Variants in TENM1 observed in about 807,000 individuals in gnomAD.
TENM1 encodes the protein teneurin transmembrane protein 1, also known as teneurin-1.
Under a neutral mutation model 174.8 loss-of-function variants are expected in TENM1, and 35 were observed. The ratio of observed to expected loss-of-function variants is 0.20; its 90% CI spans 0.15 to 0.27. TENM1 has a LOEUF of 0.27. TENM1 is among the 10% of genes least tolerant of loss of function. The pLI is 1.00. For synonymous variants in TENM1, 781 were observed against 798.7 expected, an observed-to-expected ratio of 0.98 and a Z score of 0.37; for missense variants, 1,633 against 2,130.1, an observed-to-expected ratio of 0.77 and a Z score of 4.59.
At chrX:124,427,916 A>G (rs1012136886) in intron 23 of TENM1, among the ~76,000 whole-genome samples, 2 of 105,796 alleles carry the variant, frequency 1.9e-5, no homozygotes, top group Non-Finnish European at 3.9e-5. Flanking sequence ...ATTTGTCCAA[A>G]TGATTTCTTG....
chrX:125,157,036 G>A, the TENM1 span, among the ~76,000 whole-genome samples: 1 of 112,364 alleles, frequency 8.9e-6, no homozygotes, highest in Admixed American at 9.4e-5. Flanking sequence ...GCATAGTCAG[G>A]TTCAGTGATT....
chrX:124,441,733 G>A lies in TENM1; in HGVS notation c.4104+11604C>T, dbSNP rs752155523. ...ATTGTTGTGGTCCAGGCATGAGAAC[G>A]GTGAAAGAAAATGGGAAAATACACT... On this transcript the variant is annotated intron_variant, in intron 23 of 31. Coordinates refer to ENST00000422452, the Ensembl canonical transcript of TENM1. 4.5e-5 allele frequency among the ~76,000 whole-genome samples: 5 copies of A among 112,282 alleles called. No homozygotes were observed. In the East Asian group the frequency reaches 1.1e-3, roughly 25 times the overall value.
chrX:124,993,103 A>G, the TENM1 span, among the ~76,000 whole-genome samples: 4 of 111,268 alleles, frequency 3.6e-5, no homozygotes, highest in Admixed American at 1.9e-4. Context: ...AGAGTGTTCA[A>G]TAAATATTAA....
chrX:124,578,809 C>T (rs777867502), intron 11 of TENM1, among the ~76,000 whole-genome samples: 24 of 111,572 alleles, frequency 2.2e-4, no homozygotes, highest in Non-Finnish European at 4.1e-4. Flanking sequence ...ATTCATCTGG[C>T]CAGCCCCTCA....
the TENM1 span, among the ~76,000 whole-genome samples, chrX:125,121,111 G>A: frequency 9.0e-6 from 1 of 111,664 alleles, no homozygotes; most frequent in East Asian, 2.8e-4. Context: ...ATGGAATAGG[G>A]TACCTGATAT....
chrX:124,594,640 T>C (rs1413937587), intron 11 of TENM1, among the ~76,000 whole-genome samples: 1 of 112,071 alleles, frequency 8.9e-6, no homozygotes, highest in East Asian at 2.8e-4. Flanking sequence ...TCTTTCACGA[T>C]AGTAACCATT....
chrX:124,926,157 T>G (rs1214054467), intron 1 of TENM1, among the ~76,000 whole-genome samples: 1 of 112,198 alleles, frequency 8.9e-6, no homozygotes, highest in Non-Finnish European at 1.9e-5. Flanking sequence ...TATGGAAACA[T>G]ATACTAAGTC....
Position 124,587,104 on chromosome X carries a change from C to T in TENM1, c.2078-21544G>A, listed in dbSNP as rs1382646192. ...GGAAGAATCAATATCGTGAAAATGGCCATACTGCCCAAGGTAATTTATAGA... is the reference window on the plus strand; with the variant it reads ...GGAAGAATCAATATCGTGAAAATGGTCATACTGCCCAAGGTAATTTATAGA... On this transcript the variant is annotated intron_variant, in intron 11 of 31. Transcript: ENST00000422452. Among the ~76,000 whole-genome samples, 5 of 107,921 alleles carry T rather than the reference C, an allele frequency of 4.6e-5. No homozygotes were observed. In the East Asian group the frequency reaches 8.7e-4, roughly 19 times the overall value. 93.7% of individuals were successfully genotyped at this position (107,921 alleles called of 115,157 possible). A position where few individuals can be genotyped will look rare whatever the true frequency, so the allele number is the denominator to read the frequency against.
chrX:124,768,774 TA>T (rs1175430551), intron 3 of TENM1, among the ~76,000 whole-genome samples: 1 of 112,657 alleles, frequency 8.9e-6, no homozygotes, highest in African/African-American at 3.2e-5. Flanking sequence ...TATCTTCAAC[TA>T]AAAATCAAAC....
chrX:125,202,163 C>CA, the TENM1 span, among the ~76,000 whole-genome samples: 2 of 111,573 alleles, frequency 1.8e-5, no homozygotes, highest in African/African-American at 6.5e-5. Context: ...CTATTTCAGC[C>CA]AAAAAATATA....
intron 5 of TENM1, among the ~76,000 whole-genome samples, chrX:124,686,209 AT>A (rs1390230625): frequency 1.8e-5 from 2 of 111,401 alleles, no homozygotes; most frequent in Non-Finnish European, 3.8e-5. Context: ...TAGCCAAAGT[AT>A]TAAAAAAGAA....
chrX:124,854,450 G>A (rs1328666950), intron 3 of TENM1, among the ~76,000 whole-genome samples: 2 of 111,039 alleles, frequency 1.8e-5, no homozygotes, highest in South Asian at 3.8e-4. Context: ...CACCGCTGAA[G>A]AACTTATCCA....
chrX:125,069,299 A>G, the TENM1 span, among the ~76,000 whole-genome samples: 1 of 111,760 alleles, frequency 8.9e-6, no homozygotes, highest in South Asian at 3.7e-4. Context: ...AATGGCCTCT[A>G]GCTCCATCCA....
chrX:124,587,772 A>T (rs1364290506), intron 11 of TENM1, among the ~76,000 whole-genome samples: 1 of 111,486 alleles, frequency 9.0e-6, no homozygotes, highest in African/African-American at 3.3e-5. Flanking sequence ...ATGGGAGAAA[A>T]TTTTCACAAC....
the TENM1 span, among the ~76,000 whole-genome samples, chrX:125,168,227 T>C: frequency 5.4e-5 from 6 of 111,987 alleles, no homozygotes; most frequent in African/African-American, 1.6e-4. Context: ...CTTGCCATTT[T>C]GCACTTATTT....
At chrX:124,569,445 C>T (rs2049010109) in intron 11 of TENM1, among the ~76,000 whole-genome samples, 1 of 111,663 alleles carries the variant, frequency 9.0e-6, no homozygotes, top group African/African-American at 3.3e-5. Flanking sequence ...TAAATGACTA[C>T]AAAATACACA....
chrX:125,153,029 A>G, the TENM1 span, among the ~76,000 whole-genome samples: 12 of 111,980 alleles, frequency 1.1e-4, no homozygotes, highest in East Asian at 3.1e-3. Context: ...AGCTTGAGGT[A>G]AAAACTTTGT....
chrX:124,684,150 A>C (rs73545907), intron 5 of TENM1, among the ~76,000 whole-genome samples: 3,464 of 111,956 alleles, frequency 0.031, 132 homozygotes, highest in African/African-American at 0.11. Context: ...CCATAGTGGT[A>C]ATTTTAAAAC....
At chrX:124,728,559 A>AT (rs774132271) in intron 4 of TENM1, among the ~76,000 whole-genome samples, 26 of 111,070 alleles carry the variant, frequency 2.3e-4, no homozygotes, top group Admixed American at 4.8e-4. Flanking sequence ...TTTTTAGGCC[A>AT]TTTTCTCAGG....
Sources: gnomAD v4.1 joint callset for allele counts (sites outside exome capture counted in the v4.1 genomes callset) on GRCh38, gnomAD v4.1.1 for gene constraint, MANE v1.5 for transcripts, NCBI Gene and HGNC (gene_info 2026-07-23, HGNC 2026-07-21) for gene names.